SLC12A6: variants seen among roughly 807,000 people sequenced by gnomAD.
SLC12A6 encodes the protein solute carrier family 12 member 6.
Under a neutral mutation model 135.3 loss-of-function variants are expected in SLC12A6, and 66 were observed. The observed-to-expected ratio is 0.49, with a 90% CI of 0.40 to 0.60. SLC12A6 has a LOEUF of 0.60. Among genes scored for constraint, SLC12A6 ranks in the 20% least tolerant of loss-of-function variants. The probability of loss-of-function intolerance (pLI) is 0.00; values close to 1 mark genes in which losing one functional copy is unlikely to be tolerated. For missense variants in SLC12A6, 1,058 were observed against 1,452.3 expected, an observed-to-expected ratio of 0.73 and a Z score of 4.41; for synonymous variants, 513 against 508.8, an observed-to-expected ratio of 1.01 and a Z score of -0.11.
At position 34,240,695 on chromosome 15, in the gene SLC12A6, A is replaced by G. The variant is rs1891582054; in HGVS notation, c.2402T>C (p.Leu801Pro). ...IVGSVIVGNF[L>P]ENYGEALAAE... Reference sequence around the variant, plus strand: ...AGCTAAAGCTTCACCGTAGTTCTCTAGGAAGTTCCCCACGATGACAGAGCC... The same window carrying G: ...AGCTAAAGCTTCACCGTAGTTCTCTGGGAAGTTCCCCACGATGACAGAGCC... Residue 801 changes from leucine to proline, a missense_variant, in exon 19 of 26, where the codon CTA becomes CCA. This residue lies in a region of SLC12A6 where 31 missense variants were observed against 24.3 expected (regional missense o/e 1.28). Transcript: ENST00000354181. 1 of 1,613,954 alleles carries G rather than the reference A, an allele frequency of 6.2e-7. No individual in the cohort carries two copies. The highest frequency in any genetic ancestry group is 1.7e-5 in the Admixed American group (1 of 60,010).
chr15:34,287,033 T>C (rs117395974), intron 2 of SLC12A6, among the ~76,000 whole-genome samples: 6,936 of 152,192 alleles, frequency 0.046, 466 homozygotes, highest in East Asian at 0.31. Flanking sequence ...GGGTTACATG[T>C]GCAGAATGTG....
rs568578102 is a variant in SLC12A6, at chr15:34,329,273, T to C, written c.271+7137A>G. ...CTCAGGGCACAAAGGAGTGCCTTTT[T>C]AGAATTTGCACAAAGTTCTTAGTAG... On this transcript the variant is annotated intron_variant, in intron 2 of 25. Coordinates refer to ENST00000354181, the MANE Select transcript of SLC12A6 (RefSeq NM_001365088.1). Among the ~76,000 whole-genome samples, 5 of 152,338 alleles carry C rather than the reference T, an allele frequency of 3.3e-5. No individual in the cohort carries two copies. In the East Asian group the frequency reaches 7.7e-4, roughly 24 times the overall value.
Position 34,250,889 on chromosome 15 carries a change from A to G in SLC12A6, c.1492+10T>C, listed in dbSNP as rs1158408433. 2 of 1,604,390 alleles carry G rather than the reference A, an allele frequency of 1.2e-6. No individual in the cohort carries two copies. The highest frequency in any genetic ancestry group is 1.7e-5 in the Admixed American group (1 of 60,014). ...CAGCTTCTAAAATATACAACAGCCT[A>G]TGTGTTTACCTGTAACAGAGGGAAA... On this transcript the variant is annotated intron_variant, in intron 11 of 25. Coordinates refer to ENST00000354181, the MANE Select transcript of SLC12A6 (RefSeq NM_001365088.1).
rs949722994 is a variant in SLC12A6 at position 34,237,538 on chromosome 15, A to G, written c.2815T>C (p.Cys939Arg). 27 of 1,612,424 alleles carry G rather than the reference A, an allele frequency of 1.7e-5. No homozygotes were observed. Among genetic ancestry groups the G allele is most frequent in the Non-Finnish European group, 2.3e-5 (27 of 1,178,880 alleles). ...LLKQHKVWRK[C>R]SIRIFTVAQL... Reference sequence around the variant, plus strand: ...GCTACTGTGAAGATCCGTATGCTGCACTTTCGCCACACCTGAGAGAGTGAC... The same window carrying G: ...GCTACTGTGAAGATCCGTATGCTGCGCTTTCGCCACACCTGAGAGAGTGAC... The change falls in exon 22 of 26, where the codon TGC (cysteine) becomes CGC (arginine). Residue 939 changes from cysteine (C) to arginine (R), a missense_variant. Physicochemically the swap from Cys to Arg is radical, Grantham distance 180. Coordinates refer to ENST00000354181, the MANE Select transcript of SLC12A6 (RefSeq NM_001365088.1).
Position 34,254,635 on chromosome 15 carries a change from T to C in SLC12A6, c.877-46A>G, listed in dbSNP as rs1595439573. On this transcript the variant is annotated intron_variant, in intron 8 of 25. Coordinates refer to ENST00000354181, the MANE Select transcript of SLC12A6 (RefSeq NM_001365088.1). ...AGAAAATTAGGTTATTTCAAAATAA[T>C]TAAGTAAAAAGGCTGTATTCGTTTG... 3.4e-6 allele frequency: 5 copies of C among 1,456,148 alleles called. No individual in the cohort carries two copies. The East Asian group carries it at 1.1e-4, about 33-fold the overall frequency. The allele number at this position is 1,456,148 out of a possible 1,614,324, so 90.2% of individuals were successfully genotyped here.
chr15:34,301,940 T>C (rs7175736), intron 2 of SLC12A6, among the ~76,000 whole-genome samples: 5,976 of 152,336 alleles, frequency 0.039, 219 homozygotes, highest in African/African-American at 0.099. Context: ...AGAGAAATGT[T>C]AAGACCACTT....
intron 2 of SLC12A6, among the ~76,000 whole-genome samples, chr15:34,276,699 T>A (rs911662305): frequency 6.6e-6 from 1 of 152,252 alleles, no homozygotes; most frequent in South Asian, 2.1e-4. Flanking sequence ...AAGGATTTTC[T>A]ACAGCTATGA....
At chr15:34,250,057 AC>A (rs1892279450) in intron 13 of SLC12A6, among the ~76,000 whole-genome samples, 1 of 151,972 alleles carries the variant, frequency 6.6e-6, no homozygotes, top group African/African-American at 2.4e-5. Flanking sequence ...GGTGCACACC[AC>A]CACACCTGGC....
intron 2 of SLC12A6, among the ~76,000 whole-genome samples, chr15:34,329,172 C>T (rs779832635): frequency 2.0e-5 from 3 of 152,148 alleles, no homozygotes; most frequent in Admixed American, 6.5e-5. Flanking sequence ...AGACAGTGCA[C>T]GAGGGCATTA....
chr15:34,263,785 T>C (rs2140805915), intron 3 of SLC12A6, among the ~76,000 whole-genome samples: 1 of 152,060 alleles, frequency 6.6e-6, no homozygotes, highest in African/African-American at 2.4e-5. Flanking sequence ...TGAGAAACAG[T>C]CAATAAACTA....
In SLC12A6 at chr15:34,239,284, G is replaced by T. The variant is rs1014621506; in HGVS notation, c.2437-124C>A. 6 of 765,580 alleles carry T rather than the reference G, an allele frequency of 7.8e-6. No individual in the cohort carries two copies. In the Admixed American group the frequency reaches 1.3e-4, roughly 16 times the overall value. 47.4% of individuals were successfully genotyped at this position (765,580 alleles called of 1,614,324 possible). A position where few individuals can be genotyped will look rare whatever the true frequency, so the allele number is the denominator to read the frequency against. ...TCTTCATAATACTATATCATCTACA[G>T]AAAAGTCCAAAAAGTTAAAATTATC... On this transcript the variant is annotated intron_variant, in intron 19 of 25. Transcript: ENST00000354181.
intron 3 of SLC12A6, among the ~76,000 whole-genome samples, chr15:34,270,554 G>GCACTTTGGGAGGA (rs1249689978): frequency 2.6e-5 from 4 of 152,260 alleles, no homozygotes; most frequent in South Asian, 4.1e-4. Context: ...TCTAATCCCA[G>GCACTTTGGGAGGA]CACTTTGGGA....
At chr15:34,300,290 T>G (rs1896151780) in intron 2 of SLC12A6, among the ~76,000 whole-genome samples, 1 of 152,134 alleles carries the variant, frequency 6.6e-6, no homozygotes, top group Admixed American at 6.5e-5. Context: ...AGTAGAAGGT[T>G]TAGCTATATG....
At chr15:34,298,218 T>C (rs1311830011) in intron 2 of SLC12A6, among the ~76,000 whole-genome samples, 1 of 152,124 alleles carries the variant, frequency 6.6e-6, no homozygotes, top group East Asian at 1.9e-4. Flanking sequence ...CGCTCACACC[T>C]GTAATCCCAG....
chr15:34,254,901 TCTA>T (rs1477257221), intron 8 of SLC12A6, among the ~76,000 whole-genome samples: 2 of 152,342 alleles, frequency 1.3e-5, no homozygotes, highest in African/African-American at 4.8e-5. Context: ...TAACCCTGAC[TCTA>T]CTATCACTAC....
intron 2 of SLC12A6, among the ~76,000 whole-genome samples, chr15:34,311,855 CTTTT>C (rs1888282806): frequency 6.6e-6 from 1 of 150,606 alleles, no homozygotes; most frequent in East Asian, 1.9e-4. Context: ...TTGTATTGTT[CTTTT>C]TATCATTGCC....
At chr15:34,254,645 A>AGG (rs1892624824) in intron 8 of SLC12A6, 56 bp from the exon 9 acceptor site, 1 of 1,352,292 alleles carries the variant, frequency 7.4e-7, no homozygotes, top group East Asian at 2.3e-5. Context: ...TTAAGTAAAA[A>AGG]GGCTGTATTC....
At chr15:34,293,640 C>T (rs945595143) in intron 2 of SLC12A6, among the ~76,000 whole-genome samples, 17 of 152,340 alleles carry the variant, frequency 1.1e-4, no homozygotes, top group African/African-American at 4.1e-4. Flanking sequence ...CGCTCTGAGG[C>T]CTAGGCAGGA....
At chr15:34,250,092 A>G (rs1460819512) in intron 13 of SLC12A6, among the ~76,000 whole-genome samples, 1 of 152,118 alleles carries the variant, frequency 6.6e-6, no homozygotes, top group African/African-American at 2.4e-5. Context: ...TTTTGTAGAG[A>G]CAGGGTTTTG....
Sources: gnomAD v4.1 joint callset for allele counts (sites outside exome capture counted in the v4.1 genomes callset) on GRCh38, gnomAD v4.1.1 for gene constraint, gnomAD v4.1.1 regional missense constraint, MANE v1.5 for transcripts, NCBI Gene and HGNC (gene_info 2026-07-23, HGNC 2026-07-21) for gene names.